TMC7: variants seen among roughly 807,000 people sequenced by gnomAD.
TMC7 encodes the protein transmembrane channel-like protein 7.
TMC7 carries 54 observed loss-of-function variants against 82.9 expected under a neutral mutation model. The ratio of observed to expected loss-of-function variants is 0.65; its 90% confidence interval spans 0.52 to 0.82. The LOEUF (loss-of-function observed/expected upper bound fraction) is 0.82, where lower values mean the gene tolerates loss of function less well. Ranked by LOEUF, TMC7 falls within the 40% of genes least tolerant of loss-of-function variation. The pLI, the probability that TMC7 is intolerant of heterozygous loss-of-function variation, is 0.00. For missense variants in TMC7, 820 were observed against 901.2 expected (o/e 0.91, Z 1.15); for synonymous variants, 350 against 337.9 (o/e 1.04, Z -0.39).
intron 5 of TMC7, among the ~76,000 whole-genome samples, chr16:19,029,732 G>A (rs1025913541): frequency 6.7e-6 from 1 of 149,654 alleles, no homozygotes; most frequent in African/African-American, 2.5e-5. Flanking sequence ...CCAGGCTGGA[G>A]TTCAGTGTTA....
At chr16:19,049,673 G>T in intron 12 of TMC7, 2 of 985,222 alleles carry the variant, frequency 2.0e-6, no homozygotes, top group Non-Finnish European at 2.4e-6. Flanking sequence ...GGGGTGATGG[G>T]TTGGGTCATG....
intron 5 of TMC7, among the ~76,000 whole-genome samples, chr16:19,029,674 C>T (rs1358227985): frequency 6.6e-6 from 1 of 151,526 alleles, no homozygotes; most frequent in African/African-American, 2.4e-5. Context: ...CACGCCTGGC[C>T]ATCTGTGCAT....
At chr16:19,042,891 C>T (rs1320480490) in intron 9 of TMC7, among the ~76,000 whole-genome samples, 1 of 151,860 alleles carries the variant, frequency 6.6e-6, no homozygotes, top group Non-Finnish European at 1.5e-5. Context: ...GGACTACAGG[C>T]CCCCGCCACC....
chr16:18,991,279 A>G (rs2038946460), intron 1 of TMC7, among the ~76,000 whole-genome samples: 1 of 152,218 alleles, frequency 6.6e-6, no homozygotes, highest in African/African-American at 2.4e-5. Context: ...CAAGGTCTGA[A>G]TAAGAGAAAG....
intron 2 of TMC7, among the ~76,000 whole-genome samples, chr16:19,010,133 T>TCTTCCCTCCC (rs2039314917): frequency 1.8e-5 from 1 of 54,416 alleles, no homozygotes; most frequent in Non-Finnish European, 3.5e-5. Context: ...CCCTCTCTCC[T>TCTTCCCTCCC]CTCCCCTCCC....
chr16:18,993,864 G>A (rs1275635109), intron 1 of TMC7, among the ~76,000 whole-genome samples: 1 of 152,186 alleles, frequency 6.6e-6, no homozygotes, highest in Non-Finnish European at 1.5e-5. Context: ...GAGAAGTAGT[G>A]GAGGGGGGCA....
intron 1 of TMC7, among the ~76,000 whole-genome samples, chr16:18,989,082 T>C (rs2142111547): frequency 6.6e-6 from 1 of 152,136 alleles, no homozygotes; most frequent in East Asian, 1.9e-4. Context: ...ATTTACATAG[T>C]TGAACAACTA....
At chr16:19,021,894 G>A in intron 4 of TMC7, 98 bp downstream of exon 4, 1 of 1,408,528 alleles carries the variant, frequency 7.1e-7, no homozygotes, top group Non-Finnish European at 9.6e-7. Flanking sequence ...TCTAATTCTT[G>A]GGCGACTGTA....
intron 9 of TMC7, among the ~76,000 whole-genome samples, chr16:19,043,035 C>T (rs111756136): frequency 6.6e-6 from 1 of 152,102 alleles, no homozygotes; most frequent in East Asian, 1.9e-4. Context: ...CGTGAGCCAC[C>T]GTGCCCGGCT....
intron 2 of TMC7, among the ~76,000 whole-genome samples, chr16:19,011,516 A>AATAAATAT (rs1959341799): frequency 6.8e-6 from 1 of 147,998 alleles, no homozygotes; most frequent in South Asian, 2.1e-4. Flanking sequence ...AAAATAAATA[A>AATAAATAT]ATAAATAAAT....
chr16:19,049,549 A>C lies in TMC7; in HGVS notation c.1741-2137A>C, dbSNP rs1051453457. 4.6e-6 allele frequency: 4 copies of C among 878,842 alleles called. No homozygotes were observed. The African/African-American group carries it at 7.2e-5, about 16-fold the overall frequency. The allele number at this position is 878,842 out of a possible 1,614,324, so 54.4% of individuals were successfully genotyped here. ...TTCACTTGAAAACACAGGTTGGCCGAAATCATCAAAGGAGAGATGGACGTG... is the reference window on the plus strand; with the variant it reads ...TTCACTTGAAAACACAGGTTGGCCGCAATCATCAAAGGAGAGATGGACGTG... On this transcript the variant is annotated intron_variant, in intron 12 of 15. Coordinates refer to ENST00000304381, the MANE Select transcript of TMC7 (RefSeq NM_024847.4).
At chr16:19,049,079 C>T (rs1280585750) in intron 12 of TMC7, among the ~76,000 whole-genome samples, 7 of 151,966 alleles carry the variant, frequency 4.6e-5, no homozygotes, top group South Asian at 2.1e-4. Context: ...GTTGGAGTGC[C>T]GTGGCGTGAT....
At chr16:19,029,611 G>A (rs935212535) in intron 5 of TMC7, among the ~76,000 whole-genome samples, 1 of 151,660 alleles carries the variant, frequency 6.6e-6, no homozygotes, top group African/African-American at 2.4e-5. Flanking sequence ...CTGGGCTCAA[G>A]TAATCCTCCT....
chr16:19,020,268 G>T (rs1354940157), intron 3 of TMC7, among the ~76,000 whole-genome samples: 4 of 152,112 alleles, frequency 2.6e-5, no homozygotes, highest in Non-Finnish European at 5.9e-5. Flanking sequence ...CTTTCCTTGA[G>T]ATTGAGAATG....
chr16:19,038,278 C>T (rs538700296), intron 8 of TMC7, among the ~76,000 whole-genome samples: 1 of 152,170 alleles, frequency 6.6e-6, no homozygotes, highest in African/African-American at 2.4e-5. Context: ...TCACTGCAGC[C>T]TCTGCCTCCC....
intron 14 of TMC7, among the ~76,000 whole-genome samples, chr16:19,058,920 C>T (rs1567532774): frequency 1.3e-5 from 2 of 152,148 alleles, no homozygotes; most frequent in African/African-American, 2.4e-5. Flanking sequence ...CTCTGCCGCC[C>T]AGGCTGGAGT....
rs559146878 is a variant in TMC7 at position 19,001,865 on chromosome 16, G to A, written c.68-7307G>A. 3.9e-5 allele frequency among the ~76,000 whole-genome samples: 6 copies of A among 152,232 alleles called. No individual in the cohort carries two copies. In the South Asian group the frequency reaches 6.2e-4, roughly 16 times the overall value. ...AGTCTGGCCCAGAGAGAGGATCCAC[G>A]CAAGTTGTCAAACAGAACTAATTCC... On this transcript the variant is annotated intron_variant, in intron 1 of 15. Coordinates refer to ENST00000304381, the MANE Select transcript of TMC7 (RefSeq NM_024847.4).
At chr16:19,030,005 C>T (rs553042100) in intron 5 of TMC7, among the ~76,000 whole-genome samples, 5 of 152,086 alleles carry the variant, frequency 3.3e-5, no homozygotes, top group African/African-American at 1.2e-4. Flanking sequence ...CGTGAGCCAC[C>T]TTGCCCGGCC....
intron 1 of TMC7, among the ~76,000 whole-genome samples, chr16:19,005,867 A>T (rs2039230798): frequency 6.6e-6 from 1 of 151,998 alleles, no homozygotes; most frequent in Non-Finnish European, 1.5e-5. Flanking sequence ...CCAGGCAGGG[A>T]GGTAGAAGGG....
Sources: gnomAD v4.1 joint callset for allele counts (sites outside exome capture counted in the v4.1 genomes callset) on GRCh38, gnomAD v4.1.1 for gene constraint, MANE v1.5 for transcripts, NCBI Gene and HGNC (gene_info 2026-07-23, HGNC 2026-07-21) for gene names.